The following ELOVL6 variants were observed in gnomAD, a reference collection of about 807,000 sequenced individuals.
ELOVL6 encodes very long chain fatty acid elongase 6.
In ELOVL6, 8 loss-of-function variants were observed where a neutral mutation model predicts 31.7. That is an observed-to-expected ratio of 0.25 (90% CI 0.15 to 0.45). The LOEUF (loss-of-function observed/expected upper bound fraction) is 0.45. Ranked by LOEUF, ELOVL6 falls within the 20% of genes least tolerant of loss-of-function variation. ELOVL6 has a pLI of 1.00. For missense variants in ELOVL6, 126 were observed against 326.4 expected (o/e 0.39, Z 4.73); for synonymous variants, 101 against 117.7 (o/e 0.86, Z 0.92).
intron 1 of ELOVL6, among the ~76,000 whole-genome samples, chr4:110,130,898 A>G (rs1294635287): frequency 6.6e-6 from 1 of 152,230 alleles, no homozygotes; most frequent in Non-Finnish European, 1.5e-5. Flanking sequence ...AATGCATACA[A>G]ACATAGGTAA....
intron 3 of ELOVL6, among the ~76,000 whole-genome samples, chr4:110,057,668 T>C (rs1755025776): frequency 6.6e-6 from 1 of 151,818 alleles, no homozygotes. Flanking sequence ...CTGGCCAACA[T>C]GGTGAAACCC....
intron 2 of ELOVL6, among the ~76,000 whole-genome samples, chr4:110,091,960 T>C (rs1756439720): frequency 1.3e-5 from 2 of 152,164 alleles, no homozygotes; most frequent in African/African-American, 2.4e-5. Flanking sequence ...AGGATAACAA[T>C]GAATACAGTG....
At chr4:110,169,525 G>A (rs1758882064) in intron 1 of ELOVL6, among the ~76,000 whole-genome samples, 1 of 152,056 alleles carries the variant, frequency 6.6e-6, no homozygotes, top group African/African-American at 2.4e-5. Flanking sequence ...TTACAGGCGT[G>A]AGCCACCATG....
intron 1 of ELOVL6, among the ~76,000 whole-genome samples, chr4:110,157,893 C>A (rs973173926): frequency 6.6e-6 from 1 of 152,160 alleles, no homozygotes; most frequent in African/African-American, 2.4e-5. Flanking sequence ...AATATATATT[C>A]ATGAAGAAGT....
chr4:110,162,241 C>G (rs1476982533), intron 1 of ELOVL6, among the ~76,000 whole-genome samples: 3 of 152,210 alleles, frequency 2.0e-5, no homozygotes, highest in African/African-American at 7.2e-5. Context: ...AACAGACAAC[C>G]AAAATTTTTT....
intron 1 of ELOVL6, chr4:110,197,921 A>C: frequency 2.8e-6 from 1 of 359,854 alleles, no homozygotes. Context: ...GAGCACAGGT[A>C]GGCGATCTGG....
At chr4:110,120,798 C>CT (rs1008949209) in intron 1 of ELOVL6, among the ~76,000 whole-genome samples, 1,832 of 117,846 alleles carry the variant, frequency 0.016, 47 homozygotes, top group Middle Eastern at 0.023. Context: ...TTTTTCTTTT[C>CT]TTTTTTTTTT....
intron 1 of ELOVL6, among the ~76,000 whole-genome samples, chr4:110,136,612 G>A (rs1444954344): frequency 6.6e-6 from 1 of 152,164 alleles, no homozygotes; most frequent in Non-Finnish European, 1.5e-5. Flanking sequence ...TCTGCCAGCT[G>A]CCCCTGATTA....
intron 1 of ELOVL6, among the ~76,000 whole-genome samples, chr4:110,134,307 C>T (rs965139930): frequency 6.6e-6 from 1 of 152,124 alleles, no homozygotes; most frequent in African/African-American, 2.4e-5. Context: ...GGATATGGTC[C>T]TTCCTTCGAT....
At chr4:110,169,989 G>A (rs1481788674) in intron 1 of ELOVL6, among the ~76,000 whole-genome samples, 2 of 150,898 alleles carry the variant, frequency 1.3e-5, no homozygotes, top group African/African-American at 4.9e-5. Context: ...ATTTTTAGTA[G>A]AGATGGGGGT....
In ELOVL6 at chr4:110,048,731, T is replaced by A. The variant is rs1201625599; in HGVS notation, c.*2607A>T. The A allele has an allele frequency of 6.6e-6, 1 of 152,208 alleles. No homozygotes were observed. Among genetic ancestry groups the A allele is most frequent in the Non-Finnish European group, 1.5e-5 (1 of 68,036 alleles). The allele number at this position is 152,208 out of a possible 1,614,324, so 9.4% of individuals were successfully genotyped here. On this transcript the variant is annotated 3_prime_UTR_variant, in exon 4 of 4. Transcript: ENST00000302274. Reference sequence around the variant, plus strand: ...GTTTTGTTTTAAAAAAAATGTGGCTTTTTTCCTCCCATGATAAACATTGGA... The same window carrying A: ...GTTTTGTTTTAAAAAAAATGTGGCTATTTTCCTCCCATGATAAACATTGGA...
chr4:110,154,857 A>T (rs78050729), intron 1 of ELOVL6, among the ~76,000 whole-genome samples: 1 of 152,166 alleles, frequency 6.6e-6, no homozygotes, highest in African/African-American at 2.4e-5. Context: ...AACTTGGAGA[A>T]GAAATGCTAG....
rs914758395 is a variant in ELOVL6, at chr4:110,135,785, T to C, written c.90-30157A>G. Among the ~76,000 whole-genome samples, 7 of 152,270 alleles carry C rather than the reference T, an allele frequency of 4.6e-5. No homozygotes were observed. In the East Asian group the frequency reaches 7.7e-4, roughly 17 times the overall value. ...TCCAGTGCCAGGCACCACAGACAAC[T>C]TGGTGTTCAGAGAAGATCCTTCAAG... On this transcript the variant is annotated intron_variant, in intron 1 of 3. Transcript: ENST00000302274.
At chr4:110,084,883 G>A (rs1312531894) in intron 2 of ELOVL6, among the ~76,000 whole-genome samples, 4 of 151,838 alleles carry the variant, frequency 2.6e-5, no homozygotes, top group Admixed American at 6.6e-5. Context: ...GTGAGCCACC[G>A]TGCCCGGCGT....
intron 2 of ELOVL6, among the ~76,000 whole-genome samples, chr4:110,065,085 C>T (rs1186110786): frequency 6.6e-6 from 1 of 152,012 alleles, no homozygotes; most frequent in Non-Finnish European, 1.5e-5. Flanking sequence ...AGACAACAAA[C>T]ATGAAAATAA....
At chr4:110,079,925 C>T (rs1037265550) in intron 2 of ELOVL6, among the ~76,000 whole-genome samples, 4 of 152,158 alleles carry the variant, frequency 2.6e-5, no homozygotes, top group African/African-American at 9.7e-5. Flanking sequence ...ACCGATCCCA[C>T]AGAAATACAA....
At chr4:110,141,237 A>G (rs1389984959) in intron 1 of ELOVL6, among the ~76,000 whole-genome samples, 3 of 151,944 alleles carry the variant, frequency 2.0e-5, no homozygotes, top group African/African-American at 7.3e-5. Context: ...CTAATTTTGT[A>G]TTTTTAGTAG....
chr4:110,078,901 C>G (rs1755742219), intron 2 of ELOVL6, among the ~76,000 whole-genome samples: 1 of 152,022 alleles, frequency 6.6e-6, no homozygotes, highest in Non-Finnish European at 1.5e-5. Flanking sequence ...GAAGATCTAC[C>G]AAGCAAATGG....
intron 1 of ELOVL6, among the ~76,000 whole-genome samples, chr4:110,195,627 G>A (rs915307026): frequency 6.6e-6 from 1 of 152,088 alleles, no homozygotes; most frequent in Non-Finnish European, 1.5e-5. Flanking sequence ...ACTGCAATAA[G>A]CAATCTAAGA....
Sources: gnomAD v4.1 joint callset for allele counts (sites outside exome capture counted in the v4.1 genomes callset) on GRCh38, gnomAD v4.1.1 for gene constraint, MANE v1.5 for transcripts, NCBI Gene and HGNC (gene_info 2026-07-23, HGNC 2026-07-21) for gene names.